The following CLEC3B variants were observed in gnomAD, a reference collection of about 807,000 sequenced individuals.
CLEC3B encodes the protein tetranectin.
In CLEC3B, 13 loss-of-function variants were observed where a neutral mutation model predicts 15.4. The observed-to-expected ratio is 0.84, with a 90% CI of 0.55 to 1.34. The LOEUF (loss-of-function observed/expected upper bound fraction) is 1.34, where lower values mean the gene tolerates loss of function less well. CLEC3B is among the 40% of genes most tolerant of loss of function. CLEC3B has a pLI of 0.00. For synonymous variants in CLEC3B, 112 were observed against 114.7 expected (o/e 0.98, Z 0.15); for missense variants, 242 against 268.6 (o/e 0.90, Z 0.69).
chr3:45,028,739 C>G (rs1697516361), intron 1 of CLEC3B, among the ~76,000 whole-genome samples: 1 of 152,060 alleles, frequency 6.6e-6, no homozygotes, highest in Admixed American at 6.6e-5. Context: ...AGGGCTGGTG[C>G]CCAAAAGTAC....
At chr3:45,034,382 T>C (rs1697607001) in intron 2 of CLEC3B, 3 of 152,324 alleles carry the variant, frequency 2.0e-5, no homozygotes, top group South Asian at 4.1e-4. Context: ...ATGGGGACAC[T>C]GGGATGCTGT....
At position 45,035,523 on chromosome 3, in the gene CLEC3B, G is replaced by A. The variant is rs1697627692; in HGVS notation, c.209-1G>A. 1.3e-6 allele frequency: 2 copies of A among 1,587,248 alleles called. No individual in the cohort carries two copies. Among genetic ancestry groups the A allele is most frequent in the Non-Finnish European group, 1.7e-6 (2 of 1,162,336 alleles). On this transcript the variant is annotated splice_acceptor_variant, in intron 2 of 2. Transcript: ENST00000296130. LOFTEE classifies it high-confidence loss of function. ...TGACAGCCATTTCTCCCCACTCCCA[G>A]TCTGCCTGAAGGGGACCAAGGTGCA...
chr3:45,028,170 C>T (rs1264682543), intron 1 of CLEC3B, among the ~76,000 whole-genome samples: 1 of 152,234 alleles, frequency 6.6e-6, no homozygotes, highest in Non-Finnish European at 1.5e-5. Flanking sequence ...ATATGCTGGA[C>T]ACACAGCAGA....
chr3:45,028,288 G>T (rs1283604330), intron 1 of CLEC3B, among the ~76,000 whole-genome samples: 4 of 152,228 alleles, frequency 2.6e-5, no homozygotes, highest in Non-Finnish European at 5.9e-5. Flanking sequence ...AGGCGTGGTG[G>T]CTCAAGCCTG....
intron 1 of CLEC3B, 25 bp from the exon 2 acceptor site, chr3:45,030,802 C>G: frequency 6.5e-7 from 1 of 1,533,510 alleles, no homozygotes; most frequent in Non-Finnish European, 8.9e-7. Flanking sequence ...CCTGCCCCAC[C>G]CTGACATATT....
chr3:45,030,828 T>C lies in CLEC3B; in HGVS notation c.111T>C (p.Asp37=). The C allele has an allele frequency of 6.3e-7, 1 of 1,585,702 alleles. No homozygotes were observed. The highest frequency in any genetic ancestry group is 8.6e-7 in the Non-Finnish European group (1 of 1,165,430). ...CTGACATATTTCCTCCTGCTTCAGA[T>C]GTTGTGAACACAAAGATGTTTGAGG... is the stretch of plus-strand genomic sequence containing the variant. The part of the protein sequence containing the change: ...KPKKIVNAKK[D]VVNTKMFEEL... The change falls in exon 2 of 3, where the codon GAT becomes GAC. Residue 37 remains aspartate, a splice_region_variant and synonymous_variant. Coordinates refer to ENST00000296130, the MANE Select transcript of CLEC3B (RefSeq NM_003278.3).
chr3:45,027,295 G>A (rs1697496728), intron 1 of CLEC3B, among the ~76,000 whole-genome samples: 1 of 152,162 alleles, frequency 6.6e-6, no homozygotes, highest in Non-Finnish European at 1.5e-5. Flanking sequence ...GGAAAGAAGG[G>A]GCTGTGGGGG....
At chr3:45,027,565 G>A (rs112388851) in intron 1 of CLEC3B, among the ~76,000 whole-genome samples, 42 of 152,318 alleles carry the variant, frequency 2.8e-4, no homozygotes, top group African/African-American at 9.9e-4. Flanking sequence ...ATTTTTACTT[G>A]TATGTGCATA....
intron 1 of CLEC3B, 26 bp from the exon 2 acceptor site, chr3:45,030,801 C>G (rs1265888096): frequency 6.5e-7 from 1 of 1,529,814 alleles, no homozygotes; most frequent in Non-Finnish European, 8.9e-7. Context: ...CCCTGCCCCA[C>G]CCTGACATAT....
chr3:45,035,618 C>T lies in CLEC3B; in HGVS notation c.303C>T (p.Arg101=), dbSNP rs1697629559. Residue 101 remains arginine, a synonymous_variant, in exon 3 of 3, where the codon CGC becomes CGT. Coordinates refer to ENST00000296130, the MANE Select transcript of CLEC3B (RefSeq NM_003278.3). ...FHEASEDCIS[R]GGTLGTPQTG... ...AGGCCAGCGAGGACTGCATCTCGCG[C>T]GGGGGCACCCTGGGCACCCCTCAGA... 3 of 1,613,984 alleles carry T rather than the reference C, an allele frequency of 1.9e-6. No homozygotes were observed. Among genetic ancestry groups the T allele is most frequent in the Admixed American group, 1.7e-5 (1 of 60,004 alleles).
At chr3:45,034,138 A>G (rs1205874434) in intron 2 of CLEC3B, among the ~76,000 whole-genome samples, 1 of 152,170 alleles carries the variant, frequency 6.6e-6, no homozygotes, top group Non-Finnish European at 1.5e-5. Flanking sequence ...CTGAAAGCTG[A>G]GGACTTTCTT....
chr3:45,035,082 G>A (rs2125980965), intron 2 of CLEC3B, among the ~76,000 whole-genome samples: 1 of 152,364 alleles, frequency 6.6e-6, no homozygotes, highest in Admixed American at 6.5e-5. Context: ...GTTAGGGTGA[G>A]CCCTAGGAGC....
chr3:45,026,324 C>G lies in CLEC3B; in HGVS notation c.-39C>G. ...GGCTGTCACTGCGTTCGGACCCAGA[C>G]CCGCTGCAGGCAGCAGCAGCCCCCG... On this transcript the variant is annotated 5_prime_UTR_variant, in exon 1 of 3. Coordinates refer to ENST00000296130, the MANE Select transcript of CLEC3B (RefSeq NM_003278.3). 6.4e-7 allele frequency: 1 copy of G among 1,565,336 alleles called. No individual in the cohort carries two copies. Among genetic ancestry groups the G allele is most frequent in the Non-Finnish European group, 8.8e-7 (1 of 1,139,898 alleles).
chr3:45,028,205 C>T (rs4683026), intron 1 of CLEC3B, among the ~76,000 whole-genome samples: 68,434 of 151,722 alleles, frequency 0.45, 15,980 homozygotes, highest in East Asian at 0.84. Flanking sequence ...GCTCTTAAGA[C>T]ATGAACCATG....
rs750569871 is a variant in CLEC3B, at chr3:45,035,533, A to G, written c.218A>G (p.Lys73Arg). The part of the protein sequence containing the change: ...EQQALQTVCL[K>R]GTKVHMKCFL... ...TTCTCCCCACTCCCAGTCTGCCTGAAGGGGACCAAGGTGCACATGAAATGC... is the reference window on the plus strand; with the variant it reads ...TTCTCCCCACTCCCAGTCTGCCTGAGGGGGACCAAGGTGCACATGAAATGC... The change falls in exon 3 of 3, where the codon AAG becomes AGG. Residue 73 changes from lysine (K) to arginine (R), a missense_variant. Lys to Arg is a conservative substitution (Grantham distance 26, BLOSUM62 2). Coordinates refer to ENST00000296130, the MANE Select transcript of CLEC3B (RefSeq NM_003278.3). 2.1e-5 allele frequency: 34 copies of G among 1,600,732 alleles called. No homozygotes were observed. Among genetic ancestry groups the G allele is most frequent in the Non-Finnish European group, 8.5e-7 (1 of 1,171,138 alleles).
At chr3:45,030,140 C>T in intron 1 of CLEC3B, 1 of 985,492 alleles carries the variant, frequency 1.0e-6, no homozygotes, top group Non-Finnish European at 1.2e-6. Flanking sequence ...CGGCTTAGCC[C>T]AGAGCCTGGC....
chr3:45,035,732 G>T lies in CLEC3B; in HGVS notation c.417G>T (p.Ala139=), dbSNP rs769528205. ...AEIWLGLNDM[A]AEGTWVDMTG... is the part of the protein sequence containing the mutation. ...TCTGGCTGGGCCTCAACGACATGGC[G>T]GCCGAGGGCACCTGGGTGGACATGA... Residue 139 remains alanine, a synonymous_variant, in exon 3 of 3, where the codon GCG becomes GCT. Coordinates refer to ENST00000296130, the MANE Select transcript of CLEC3B (RefSeq NM_003278.3). 6.2e-7 allele frequency: 1 copy of T among 1,613,786 alleles called. No individual in the cohort carries two copies. Among genetic ancestry groups the T allele is most frequent in the Non-Finnish European group, 8.5e-7 (1 of 1,179,994 alleles).
intron 1 of CLEC3B, 60 bp from the exon 2 acceptor site, chr3:45,030,767 A>G (rs1243079721): frequency 1.0e-5 from 12 of 1,164,280 alleles, no homozygotes; most frequent in South Asian, 2.7e-5. Flanking sequence ...CTCTGCAGCT[A>G]AGGTAGGATC....
intron 1 of CLEC3B, among the ~76,000 whole-genome samples, chr3:45,027,064 T>C (rs1327386337): frequency 6.6e-6 from 1 of 152,240 alleles, no homozygotes; most frequent in Non-Finnish European, 1.5e-5. Flanking sequence ...CTCTGGGGAT[T>C]GGGGTGTCCC....
Sources: allele counts gnomAD v4.1 joint callset (sites outside exome capture counted in the v4.1 genomes callset), GRCh38; gene constraint gnomAD v4.1.1; transcripts MANE v1.5; gene names NCBI Gene and HGNC (gene_info 2026-07-23, HGNC 2026-07-21).